Variants in PHIP observed in about 807,000 individuals in gnomAD.
PHIP encodes PHIP subunit of CUL4-Ring ligase complex, also known as PH-interacting protein.
Under a neutral mutation model 236.8 loss-of-function variants are expected in PHIP, and 54 were observed. That is an observed-to-expected ratio of 0.23 (90% confidence interval 0.18 to 0.29). The LOEUF (loss-of-function observed/expected upper bound fraction) is 0.29, where lower values mean the gene tolerates loss of function less well. Ranked by LOEUF, PHIP falls within the 10% of genes least tolerant of loss-of-function variation. The pLI, the probability that PHIP is intolerant of heterozygous loss-of-function variation, is 1.00. For synonymous variants in PHIP, 756 were observed against 718.9 expected (o/e 1.05, Z -0.83); for missense variants, 1,370 against 2,190.8 (o/e 0.63, Z 7.48).
intron 4 of PHIP, among the ~76,000 whole-genome samples, chr6:79,065,177 C>G (rs1562221293): frequency 6.6e-6 from 1 of 152,192 alleles, no homozygotes; most frequent in Non-Finnish European, 1.5e-5. Flanking sequence ...AAATGCATAC[C>G]TTTCCCATAT....
chr6:78,998,188 C>T (rs1414396557), intron 18 of PHIP, 66 bp downstream of exon 18: 4 of 1,287,828 alleles, frequency 3.1e-6, no homozygotes, highest in East Asian at 4.7e-5. Flanking sequence ...AACCACTTAA[C>T]ACTGTGGGAG....
chr6:78,948,691 A>C (rs1385556554), intron 35 of PHIP, among the ~76,000 whole-genome samples: 1 of 152,090 alleles, frequency 6.6e-6, no homozygotes, highest in African/African-American at 2.4e-5. Flanking sequence ...GACGGGTCTT[A>C]GCATGTTGCT....
rs1402447018 is a variant in PHIP, at chr6:78,940,313, G to A, written c.*380C>T. 1 of 151,694 alleles carries A rather than the reference G, an allele frequency of 6.6e-6. No homozygotes were observed. Among genetic ancestry groups the A allele is most frequent in the Non-Finnish European group, 1.5e-5 (1 of 67,862 alleles). 9.4% of individuals were successfully genotyped at this position (151,694 alleles called of 1,614,324 possible). On this transcript the variant is annotated 3_prime_UTR_variant, in exon 40 of 40. Coordinates refer to ENST00000275034, the MANE Select transcript of PHIP (RefSeq NM_017934.7). ...AAAATAATTCATTTTAACATGAAAT[G>A]CTCTATCACTAGGAATATTATGCTC...
At position 79,014,058 on chromosome 6, in the gene PHIP, T is replaced by C. The variant is rs543497835; in HGVS notation, c.1524+1024A>G. 8.1e-4 allele frequency among the ~76,000 whole-genome samples: 101 copies of C among 124,636 alleles called. 1 individual carries two copies. The South Asian group carries it at 0.023, about 28-fold the overall frequency. 81.8% of individuals were successfully genotyped at this position (124,636 alleles called of 152,430 possible). A position where few individuals can be genotyped will look rare whatever the true frequency, so the allele number is the denominator to read the frequency against. On this transcript the variant is annotated intron_variant, in intron 15 of 39. Coordinates refer to ENST00000275034, the MANE Select transcript of PHIP (RefSeq NM_017934.7). ...AATAATTAACACTGTTTTCTAGAAATAGAGGGTTTTACAAACCTTATTTCT... is the reference window on the plus strand; with the variant it reads ...AATAATTAACACTGTTTTCTAGAAACAGAGGGTTTTACAAACCTTATTTCT...
At chr6:78,950,727 C>T (rs939617884) in intron 35 of PHIP, among the ~76,000 whole-genome samples, 11 of 152,162 alleles carry the variant, frequency 7.2e-5, no homozygotes, top group Non-Finnish European at 1.5e-5. Context: ...TCTGTCTTCT[C>T]TCTTTATAAG....
intron 21 of PHIP, among the ~76,000 whole-genome samples, chr6:78,987,326 A>T (rs1004026949): frequency 3.2e-4 from 49 of 152,116 alleles, no homozygotes; most frequent in Admixed American, 1.2e-3. Flanking sequence ...CCAAATTACC[A>T]TGTGTCAAAT....
chr6:79,010,396 T>C (rs1423343264), intron 15 of PHIP, among the ~76,000 whole-genome samples: 1 of 151,738 alleles, frequency 6.6e-6, no homozygotes, highest in East Asian at 1.9e-4. Flanking sequence ...CTGGAACTTT[T>C]TTTTTTTAAA....
At chr6:78,980,102 T>C (rs1289105610) in intron 23 of PHIP, among the ~76,000 whole-genome samples, 2 of 152,034 alleles carry the variant, frequency 1.3e-5, no homozygotes, top group Non-Finnish European at 2.9e-5. Context: ...AGGATCACTC[T>C]GGATGCATCA....
rs190382214 is a variant in PHIP at position 78,997,467 on chromosome 6, C to A, written c.2148G>T (p.Leu716=). 1,337 of 1,613,994 alleles carry A rather than the reference C, an allele frequency of 8.3e-4. 16 individuals are homozygous for A. The Admixed American group carries it at 8.5e-3, about 10-fold the overall frequency. ...CTACCACCCTTCGACTCCAAGCTAC[C>A]AGATCCCGCTCTGTGGCTATTTCAC... ...PRSEIATERD[L]VAWSRRVVVP... The change falls in exon 19 of 40, where the codon CTG becomes CTT. Residue 716 remains leucine (L), a synonymous_variant. Coordinates refer to ENST00000275034, the MANE Select transcript of PHIP (RefSeq NM_017934.7).
chr6:79,001,016 T>A (rs1173337460), intron 17 of PHIP, among the ~76,000 whole-genome samples: 1 of 152,146 alleles, frequency 6.6e-6, no homozygotes, highest in African/African-American at 2.4e-5. Flanking sequence ...GTTGATTTTT[T>A]CTGTGCTCCT....
intron 6 of PHIP, among the ~76,000 whole-genome samples, chr6:79,058,222 T>C (rs1773172190): frequency 6.6e-6 from 1 of 152,054 alleles, no homozygotes; most frequent in African/African-American, 2.4e-5. Flanking sequence ...ATGAATCAAT[T>C]ACATTTCTAT....
At chr6:78,958,724 T>C in intron 31 of PHIP, 124 bp from the exon 32 acceptor site, 2 of 659,302 alleles carry the variant, frequency 3.0e-6, no homozygotes, top group Admixed American at 2.8e-5. Context: ...ACCATTGGTC[T>C]TATAAAGTCA....
rs1345191650 is a variant in PHIP, at chr6:78,970,189, A to G, written c.2998-16T>C. ...GTTCTTGTTCCTGAGAGAGACAGAG[A>G]ATATAAGGAACCATCTTTACAAAAT... On this transcript the variant is annotated splice_polypyrimidine_tract_variant and intron_variant, in intron 25 of 39. Transcript: ENST00000275034. 1 of 1,604,234 alleles carries G rather than the reference A, an allele frequency of 6.2e-7. No homozygotes were observed. The highest frequency in any genetic ancestry group is 1.3e-5 in the African/African-American group (1 of 74,610).
Position 78,970,807 on chromosome 6 carries a change from GT to G in PHIP, c.2970del (p.Lys990AsnfsTer15). 1 of 1,608,872 alleles carries G rather than the reference GT, an allele frequency of 6.2e-7. No individual in the cohort carries two copies. The highest frequency in any genetic ancestry group is 8.5e-7 in the Non-Finnish European group (1 of 1,177,222). On this transcript the variant is annotated frameshift_variant, in exon 25 of 40. Transcript: ENST00000275034. LOFTEE classifies it high-confidence loss of function. ...CGTAGCTCCATTTTATGCCATGGTT[GT>G]TTTTTGGGATTGATACTATATATTT... Reference protein sequence around the residue: ...KNKIYSINPKKQPWHKMELRE... With the variant: ...KNKIYSINPKXQPWHKMELRE...
rs1301732765 is a variant in PHIP, at chr6:78,937,895, TA to T, written c.*2797del. 6.6e-6 allele frequency: 1 copy of T among 151,660 alleles called. No homozygotes were observed. Among genetic ancestry groups the T allele is most frequent in the Non-Finnish European group, 1.5e-5 (1 of 67,630 alleles). 9.4% of individuals were successfully genotyped at this position (151,660 alleles called of 1,614,324 possible). A position where few individuals can be genotyped will look rare whatever the true frequency, so the allele number is the denominator to read the frequency against. On this transcript the variant is annotated 3_prime_UTR_variant, in exon 40 of 40. Coordinates refer to ENST00000275034, the MANE Select transcript of PHIP (RefSeq NM_017934.7). ...AATACTAGGGTTGGGTACTTAGAAATACCTAAATTGGTTTACACTTTCCATG... is the reference window on the plus strand; with the variant it reads ...AATACTAGGGTTGGGTACTTAGAAATCCTAAATTGGTTTACACTTTCCATG...
intron 15 of PHIP, among the ~76,000 whole-genome samples, chr6:79,007,371 A>G (rs185363367): frequency 6.6e-6 from 1 of 152,252 alleles, no homozygotes; most frequent in Admixed American, 6.5e-5. Flanking sequence ...AATGATCACT[A>G]GAATCCAGTT....
chr6:78,944,588 A>C (rs2127681036), intron 39 of PHIP, among the ~76,000 whole-genome samples: 1 of 152,328 alleles, frequency 6.6e-6, no homozygotes, highest in South Asian at 2.1e-4. Context: ...TCAGTTGCTG[A>C]AGAGAAGGCT....
intron 6 of PHIP, among the ~76,000 whole-genome samples, chr6:79,043,364 A>G (rs1174887096): frequency 1.3e-5 from 2 of 152,108 alleles, no homozygotes; most frequent in Non-Finnish European, 2.9e-5. Flanking sequence ...CTGTCTATGA[A>G]ATAGTTTTTC....
chr6:78,966,681 C>G (rs1767158563), intron 27 of PHIP, among the ~76,000 whole-genome samples: 1 of 152,210 alleles, frequency 6.6e-6, no homozygotes, highest in Non-Finnish European at 1.5e-5. Context: ...TATTACTTAA[C>G]CTGCTTTTTC....
Sources: allele counts gnomAD v4.1 joint callset (sites outside exome capture counted in the v4.1 genomes callset), GRCh38; gene constraint gnomAD v4.1.1; transcripts MANE v1.5; gene names NCBI Gene and HGNC (gene_info 2026-07-23, HGNC 2026-07-21).